Variants in MGAT4C observed in about 807,000 individuals in gnomAD.
The protein encoded by MGAT4C is alpha-1,3-mannosyl-glycoprotein 4-beta-N-acetylglucosaminyltransferase C.
A neutral mutation model predicts 40.1 loss-of-function variants in MGAT4C; 19 were observed. The observed-to-expected ratio is 0.47, with a 90% CI of 0.33 to 0.70. MGAT4C has a LOEUF of 0.70. Ranked by LOEUF, MGAT4C falls within the 30% of genes least tolerant of loss-of-function variation. The pLI, the probability that MGAT4C is intolerant of heterozygous loss-of-function variation, is 0.02. For synonymous variants in MGAT4C, 181 were observed against 187.1 expected (o/e 0.97, Z 0.27); for missense variants, 491 against 563.2 (o/e 0.87, Z 1.30).
chr12:86,191,751 G>GGGGTGTGTGTGTGTGTGT (rs1555243731), intron 1 of MGAT4C, among the ~76,000 whole-genome samples: 2 of 98,570 alleles, frequency 2.0e-5, no homozygotes, highest in African/African-American at 7.7e-5. Flanking sequence ...AGGAGATAAA[G>GGGGTGTGTGTGTGTGTGT]GTGTGTGTGT....
intron 1 of MGAT4C, among the ~76,000 whole-genome samples, chr12:86,782,255 C>T (rs1306596945): frequency 7.9e-6 from 1 of 125,822 alleles, no homozygotes; most frequent in Non-Finnish European, 1.6e-5. Flanking sequence ...GATCTCGGCT[C>T]ACTGCAAGCT....
At chr12:86,073,767 CTTGCTT>C (rs2137044836) in intron 1 of MGAT4C, among the ~76,000 whole-genome samples, 5 of 152,284 alleles carry the variant, frequency 3.3e-5, no homozygotes, top group African/African-American at 1.2e-4. Context: ...AAGTAACTAG[CTTGCTT>C]TTGATATTAC....
At chr12:86,372,536 C>T (rs1252068247) in intron 3 of MGAT4C, among the ~76,000 whole-genome samples, 2 of 151,814 alleles carry the variant, frequency 1.3e-5, no homozygotes, top group African/African-American at 4.8e-5. Context: ...AGTTCATCTT[C>T]TGAAATAATA....
intron 2 of MGAT4C, among the ~76,000 whole-genome samples, chr12:86,446,659 A>ATG (rs1491226864): frequency 3.0e-4 from 4 of 13,226 alleles, no homozygotes; most frequent in Non-Finnish European, 6.3e-4. Flanking sequence ...CATGTAACTC[A>ATG]TATATATATA....
At chr12:86,838,727 T>C (rs753927989) in exon 1 of MGAT4C, 1 of 152,208 alleles carries the variant, frequency 6.6e-6, no homozygotes, top group Non-Finnish European at 1.5e-5. Context: ...TCCTCTGATC[T>C]ATTGCCCGCA....
At chr12:86,045,973 T>C (rs959316787) in intron 2 of MGAT4C, among the ~76,000 whole-genome samples, 1 of 152,240 alleles carries the variant, frequency 6.6e-6, no homozygotes, top group Non-Finnish European at 1.5e-5. Context: ...CCCAAGGTTA[T>C]GGTTTTACCT....
At chr12:86,471,075 C>T (rs1957751432) in intron 2 of MGAT4C, among the ~76,000 whole-genome samples, 1 of 151,774 alleles carries the variant, frequency 6.6e-6, no homozygotes, top group Admixed American at 6.6e-5. Context: ...GAAGGTAAAC[C>T]AGAAATATTT....
chr12:86,062,388 A>G (rs1894080178), intron 1 of MGAT4C, among the ~76,000 whole-genome samples: 2 of 152,158 alleles, frequency 1.3e-5, no homozygotes, highest in Non-Finnish European at 2.9e-5. Context: ...AACATCAAAG[A>G]TCAAAGGTAG....
At chr12:86,612,335 G>T (rs1045650108) in intron 2 of MGAT4C, among the ~76,000 whole-genome samples, 3 of 152,072 alleles carry the variant, frequency 2.0e-5, no homozygotes, top group African/African-American at 7.2e-5. Flanking sequence ...TTAGCTAGCT[G>T]TACATCTTTC....
intron 1 of MGAT4C, among the ~76,000 whole-genome samples, chr12:86,117,808 A>G (rs1878684209): frequency 6.6e-6 from 1 of 152,162 alleles, no homozygotes; most frequent in Non-Finnish European, 1.5e-5. Flanking sequence ...AATTCATCCA[A>G]CAGAGATAAA....
At chr12:86,652,196 G>A (rs1337830432) in intron 2 of MGAT4C, among the ~76,000 whole-genome samples, 2 of 151,734 alleles carry the variant, frequency 1.3e-5, no homozygotes, top group South Asian at 4.2e-4. Flanking sequence ...AATGGATGTA[G>A]GAGAAATACA....
At chr12:85,980,457 C>A (rs1884459750) in intron 4 of MGAT4C, 27 bp from the exon 5 acceptor site, 1 of 1,528,048 alleles carries the variant, frequency 6.5e-7, no homozygotes, top group East Asian at 2.3e-5. Context: ...AGAAGCAATA[C>A]AAATGTGAAC....
intron 2 of MGAT4C, among the ~76,000 whole-genome samples, chr12:86,714,449 T>A (rs910258099): frequency 6.6e-6 from 1 of 152,090 alleles, no homozygotes; most frequent in East Asian, 1.9e-4. Context: ...CCACGTGTTG[T>A]GGGAGGGACC....
chr12:86,745,274 G>A (rs1344766558), intron 1 of MGAT4C: 3 of 151,530 alleles, frequency 2.0e-5, no homozygotes, highest in African/African-American at 7.3e-5. Flanking sequence ...ACCAAGAAAG[G>A]CATATATATT....
At chr12:86,729,517 G>A in intron 1 of MGAT4C, among the ~76,000 whole-genome samples, 1 of 152,010 alleles carries the variant, frequency 6.6e-6, no homozygotes, top group African/African-American at 2.4e-5. Flanking sequence ...CTAGGTTGAT[G>A]CTAAGAACTG....
chr12:86,411,212 C>A (rs1321721157), intron 3 of MGAT4C, among the ~76,000 whole-genome samples: 1 of 152,090 alleles, frequency 6.6e-6, no homozygotes, highest in Non-Finnish European at 1.5e-5. Flanking sequence ...AACGTGTAAG[C>A]AACTTTGGTA....
intron 1 of MGAT4C, among the ~76,000 whole-genome samples, chr12:86,818,051 G>A (rs1952637797): frequency 6.6e-6 from 1 of 151,266 alleles, no homozygotes. Context: ...ACAGCAAAAG[G>A]TCTATTAAAT....
chr12:86,757,203 C>G (rs1951320491), intron 1 of MGAT4C, among the ~76,000 whole-genome samples: 1 of 147,852 alleles, frequency 6.8e-6, no homozygotes, highest in Non-Finnish European at 1.5e-5. Context: ...ACATCACACA[C>G]CGGGGCCTGT....
chr12:86,655,074 A>C (rs1348679097), intron 2 of MGAT4C, among the ~76,000 whole-genome samples: 3 of 151,932 alleles, frequency 2.0e-5, no homozygotes, highest in Non-Finnish European at 2.9e-5. Context: ...TCTAGGGTAC[A>C]TGTGCACAGC....
Sources: gnomAD v4.1 joint callset for allele counts (sites outside exome capture counted in the v4.1 genomes callset) on GRCh38, gnomAD v4.1.1 for gene constraint, MANE v1.5 for transcripts, NCBI Gene and HGNC (gene_info 2026-07-23, HGNC 2026-07-21) for gene names.